The following TTLL7 variants were observed in gnomAD, a reference collection of about 807,000 sequenced individuals.
The protein encoded by TTLL7 is tubulin tyrosine ligase like 7.
A neutral mutation model predicts 120.2 loss-of-function variants in TTLL7; 53 were observed. The observed-to-expected ratio is 0.44, with a 90% CI of 0.35 to 0.55. TTLL7 has a LOEUF of 0.55. TTLL7 is among the 20% of genes least tolerant of loss of function. The pLI, the probability that TTLL7 is intolerant of heterozygous loss-of-function variation, is 0.00. For missense variants in TTLL7, 803 were observed against 1,054.7 expected (o/e 0.76, Z 3.31); for synonymous variants, 353 against 351.7 (o/e 1.00, Z -0.04).
chr1:83,941,623 T>C (rs1171425587), intron 7 of TTLL7, among the ~76,000 whole-genome samples: 1 of 152,184 alleles, frequency 6.6e-6, no homozygotes. Flanking sequence ...AATAACCAGG[T>C]ATTTGACAAA....
chr1:83,923,760 C>T (rs1169864332), intron 10 of TTLL7, among the ~76,000 whole-genome samples: 3 of 152,104 alleles, frequency 2.0e-5, no homozygotes, highest in African/African-American at 7.2e-5. Flanking sequence ...CACCACAGGC[C>T]AGAATAAAAA....
intron 1 of TTLL7, among the ~76,000 whole-genome samples, chr1:83,954,564 A>G (rs1649341084): frequency 6.6e-6 from 1 of 152,212 alleles, no homozygotes; most frequent in African/African-American, 2.4e-5. Flanking sequence ...ATGGCTTCTC[A>G]ACCTTGGCTG....
intron 16 of TTLL7, among the ~76,000 whole-genome samples, chr1:83,906,993 G>A (rs1319101661): frequency 6.6e-6 from 1 of 151,788 alleles, no homozygotes; most frequent in Non-Finnish European, 1.5e-5. Flanking sequence ...TGCTAACAAG[G>A]GAATACTATA....
intron 18 of TTLL7, among the ~76,000 whole-genome samples, chr1:83,901,512 C>T (rs1656724687): frequency 6.6e-6 from 1 of 151,978 alleles, no homozygotes; most frequent in African/African-American, 2.4e-5. Flanking sequence ...ACACTTCTCT[C>T]TCTTCTAGAT....
intron 1 of TTLL7, chr1:83,981,011 G>A (rs908276323): frequency 6.6e-6 from 1 of 151,590 alleles, no homozygotes; most frequent in Non-Finnish European, 1.5e-5. Flanking sequence ...AAAACTATAC[G>A]AAGCTATATG....
intron 5 of TTLL7, among the ~76,000 whole-genome samples, chr1:83,948,310 T>A (rs1648710029): frequency 6.6e-6 from 1 of 152,086 alleles, no homozygotes; most frequent in Non-Finnish European, 1.5e-5. Context: ...TACATTTAAA[T>A]GAAAAACTCT....
rs147574646 is a variant in TTLL7, at chr1:83,938,242, C to T, written c.724-226G>A. On this transcript the variant is annotated intron_variant, in intron 7 of 20. Coordinates refer to ENST00000260505, the MANE Select transcript of TTLL7 (RefSeq NM_024686.6). ...CTACAGAGTTACTTTACATATTATT[C>T]GAAATATATCTACCATTAAAAAGTA... is the stretch of plus-strand genomic sequence containing the variant. Among the ~76,000 whole-genome samples, 518 of 152,060 alleles carry T rather than the reference C, an allele frequency of 3.4e-3. 2 individuals are homozygous for T. Among genetic ancestry groups the T allele is most frequent in the African/African-American group, 0.01 (432 of 41,474 alleles).
At chr1:83,963,237 G>A (rs1650165410) in intron 1 of TTLL7, among the ~76,000 whole-genome samples, 1 of 152,082 alleles carries the variant, frequency 6.6e-6, no homozygotes, top group Admixed American at 6.6e-5. Context: ...AATTGGTTCA[G>A]AGATGAACAC....
chr1:83,933,915 A>C, intron 8 of TTLL7, 149 bp from the exon 9 acceptor site: 1 of 673,024 alleles, frequency 1.5e-6, no homozygotes, highest in Non-Finnish European at 2.5e-6. Context: ...TTCATTCTTC[A>C]CTCTTACCCC....
At chr1:83,983,191 G>A (rs767477729) in intron 1 of TTLL7, among the ~76,000 whole-genome samples, 42 of 151,992 alleles carry the variant, frequency 2.8e-4, no homozygotes, top group Non-Finnish European at 5.1e-4. Context: ...ACGTAACTGG[G>A]CATGGTGGCG....
chr1:83,918,965 G>A (rs928351846), intron 13 of TTLL7, among the ~76,000 whole-genome samples: 1 of 152,012 alleles, frequency 6.6e-6, no homozygotes, highest in Non-Finnish European at 1.5e-5. Context: ...TATATTGAGA[G>A]GTCTGACTAC....
intron 1 of TTLL7, among the ~76,000 whole-genome samples, chr1:83,978,724 G>A (rs1242453855): frequency 6.6e-6 from 1 of 152,134 alleles, no homozygotes; most frequent in Non-Finnish European, 1.5e-5. Flanking sequence ...AAAAGGAGAA[G>A]TAAATGAGAA....
chr1:83,869,267 C>G lies in TTLL7; in HGVS notation c.*695G>C, dbSNP rs923292659. The G allele has an allele frequency of 5.3e-5, 8 of 152,246 alleles. No homozygotes were observed. Among genetic ancestry groups the G allele is most frequent in the African/African-American group, 1.9e-4 (8 of 41,424 alleles). The allele number at this position is 152,246 out of a possible 1,614,324, so 9.4% of individuals were successfully genotyped here. ...CTGGAATTACAGGCGTGAGCCACCG[C>G]GCCCAGCCTGTCTTTCATGTTAGAT... On this transcript the variant is annotated 3_prime_UTR_variant, in exon 21 of 21. Transcript: ENST00000260505.
intron 1 of TTLL7, among the ~76,000 whole-genome samples, chr1:83,953,530 T>C (rs1449451464): frequency 6.6e-6 from 1 of 152,158 alleles, no homozygotes; most frequent in Non-Finnish European, 1.5e-5. Flanking sequence ...TCAGGTATCA[T>C]TTTTACTAAA....
intron 1 of TTLL7, among the ~76,000 whole-genome samples, chr1:83,994,811 G>A (rs1441736070): frequency 1.3e-5 from 2 of 152,180 alleles, no homozygotes; most frequent in Non-Finnish European, 2.9e-5. Flanking sequence ...GAGTGCAAAA[G>A]TGAGCTCACA....
chr1:83,971,545 G>T (rs1650985609), intron 1 of TTLL7, among the ~76,000 whole-genome samples: 1 of 151,906 alleles, frequency 6.6e-6, no homozygotes, highest in African/African-American at 2.4e-5. Flanking sequence ...ATCCATACAT[G>T]GTTCACATCC....
chr1:83,942,786 G>T, intron 6 of TTLL7, 107 bp from the exon 7 acceptor site: 1 of 760,336 alleles, frequency 1.3e-6, no homozygotes, highest in Non-Finnish European at 2.1e-6. Context: ...GACTCCAAAA[G>T]TCTGTCCCTC....
At chr1:83,987,434 TACA>T (rs1652577285) in intron 1 of TTLL7, among the ~76,000 whole-genome samples, 1 of 152,154 alleles carries the variant, frequency 6.6e-6, no homozygotes, top group African/African-American at 2.4e-5. Context: ...TTGGTTAAGT[TACA>T]ACAACAAAAT....
At chr1:83,926,742 AT>A (rs1422384085) in intron 10 of TTLL7, among the ~76,000 whole-genome samples, 1 of 152,196 alleles carries the variant, frequency 6.6e-6, no homozygotes, top group Non-Finnish European at 1.5e-5. Flanking sequence ...CAGACAGGCA[AT>A]TTAACTTAAT....
Sources: gnomAD v4.1 joint callset for allele counts (sites outside exome capture counted in the v4.1 genomes callset) on GRCh38, gnomAD v4.1.1 for gene constraint, MANE v1.5 for transcripts, NCBI Gene and HGNC (gene_info 2026-07-23, HGNC 2026-07-21) for gene names.